The following USP34 variants were observed in gnomAD, a reference collection of about 807,000 sequenced individuals.
USP34 encodes ubiquitin specific peptidase 34, also known as ubiquitin carboxyl-terminal hydrolase 34.
USP34 carries 70 observed loss-of-function variants against 460.3 expected under a neutral mutation model. That is an observed-to-expected ratio of 0.15 (90% CI 0.13 to 0.19). The LOEUF is 0.19. USP34 is among the 10% of genes least tolerant of loss of function. USP34 has a pLI of 1.00. For synonymous variants in USP34, 1,647 were observed against 1,405.3 expected (o/e 1.17, Z -3.85); for missense variants, 3,985 against 4,236.2 (o/e 0.94, Z 1.65).
chr2:61,222,449 T>A (rs1687614875), intron 65 of USP34, among the ~76,000 whole-genome samples, 170 bp downstream of exon 65: 1 of 152,216 alleles, frequency 6.6e-6, no homozygotes, highest in South Asian at 2.1e-4. Context: ...ATATTCGTAA[T>A]AAGACATGAT....
At chr2:61,289,459 G>A (rs1434973865) in intron 33 of USP34, among the ~76,000 whole-genome samples, 3 of 151,952 alleles carry the variant, frequency 2.0e-5, no homozygotes, top group African/African-American at 7.2e-5. Context: ...ATTTACAGCT[G>A]ACTGGAAGCT....
intron 48 of USP34, among the ~76,000 whole-genome samples, chr2:61,251,732 T>A (rs2103883468): frequency 6.6e-6 from 1 of 152,280 alleles, no homozygotes; most frequent in Admixed American, 6.5e-5. Context: ...AGACTGGAAA[T>A]GAAAAAAATC....
intron 6 of USP34, among the ~76,000 whole-genome samples, chr2:61,382,295 A>G (rs1159202305): frequency 6.6e-6 from 1 of 152,228 alleles, no homozygotes; most frequent in Non-Finnish European, 1.5e-5. Context: ...AAGGTCCTGA[A>G]TAATCTGCCC....
chr2:61,298,780 A>T (rs911792517), intron 29 of USP34, among the ~76,000 whole-genome samples: 13 of 105,718 alleles, frequency 1.2e-4, no homozygotes, highest in South Asian at 2.4e-4. Flanking sequence ...ATGATGGATT[A>T]AAAAAAAAAA....
chr2:61,344,058 G>T, intron 15 of USP34, 29 bp from the exon 16 acceptor site: 1 of 1,598,174 alleles, frequency 6.3e-7, no homozygotes, highest in Non-Finnish European at 8.6e-7. Flanking sequence ...CACAAAGTTA[G>T]TAATTACGAA....
chr2:61,223,537 G>C, intron 62 of USP34: 2 of 450,160 alleles, frequency 4.4e-6, no homozygotes, highest in Non-Finnish European at 3.9e-6. Context: ...TACTATTTTA[G>C]TATATAAAAC....
rs748886865 is a variant in USP34, at chr2:61,383,384, C to T, written c.754-48G>A. 3.7e-6 allele frequency: 5 copies of T among 1,361,080 alleles called. No homozygotes were observed. In the South Asian group the frequency reaches 4.0e-5, roughly 11 times the overall value. 84.3% of individuals were successfully genotyped at this position (1,361,080 alleles called of 1,614,324 possible). A position where few individuals can be genotyped will look rare whatever the true frequency, so the allele number is the denominator to read the frequency against. ...ACATTAATGCCTAATATGTGAAATACATATATCTTTCACTAAACTAATGAA... is the reference window on the plus strand; with the variant it reads ...ACATTAATGCCTAATATGTGAAATATATATATCTTTCACTAAACTAATGAA... On this transcript the variant is annotated intron_variant, in intron 5 of 79. Coordinates refer to ENST00000398571, the MANE Select transcript of USP34 (RefSeq NM_014709.4).
intron 51 of USP34, among the ~76,000 whole-genome samples, 184 bp from the exon 52 acceptor site, chr2:61,242,003 C>G (rs1688276120): frequency 1.3e-5 from 2 of 151,750 alleles, no homozygotes; most frequent in East Asian, 1.9e-4. Flanking sequence ...ATCCTAATAT[C>G]TTTTTTTTAG....
chr2:61,210,409 C>T (rs1159898049), intron 69 of USP34, among the ~76,000 whole-genome samples: 2 of 152,144 alleles, frequency 1.3e-5, no homozygotes, highest in Non-Finnish European at 2.9e-5. Context: ...TAGTAACATG[C>T]TATACAGATT....
intron 43 of USP34, among the ~76,000 whole-genome samples, chr2:61,261,162 C>T (rs1168052024): frequency 6.6e-6 from 1 of 152,206 alleles, no homozygotes; most frequent in South Asian, 2.1e-4. Flanking sequence ...TCTGGGTATA[C>T]ACCCAAAAGT....
intron 10 of USP34, among the ~76,000 whole-genome samples, chr2:61,356,792 T>C (rs4597510): frequency 0.16 from 24,643 of 152,140 alleles, 2,338 homozygotes; most frequent in South Asian, 0.36. Flanking sequence ...TAGAGATCTA[T>C]TGCACAATGC....
chr2:61,395,734 G>C (rs1416451662), intron 3 of USP34, among the ~76,000 whole-genome samples: 1 of 142,324 alleles, frequency 7.0e-6, no homozygotes, highest in Non-Finnish European at 1.5e-5. Context: ...TGCAGTGAGC[G>C]GAGATCGCGC....
Position 61,405,998 on chromosome 2 carries a change from T to C in USP34, c.262A>G (p.Ile88Val), listed in dbSNP as rs770476862. 1 of 1,613,864 alleles carries C rather than the reference T, an allele frequency of 6.2e-7. No individual in the cohort carries two copies. The highest frequency in any genetic ancestry group is 8.5e-7 in the Non-Finnish European group (1 of 1,179,980). The stretch of plus-strand genomic sequence containing the variant: ...TCTTGCCACGTGGAATCTATGTTAA[T>C]GGTAGTACAATGTTTACAAAGCTGG... ...RDQLCKHCTT[I>V]NIDSTWQDES... The change falls in exon 3 of 80, where the codon ATT (isoleucine) becomes GTT (valine). Residue 88 changes from isoleucine (I) to valine (V), a missense_variant. Physicochemically the swap from Ile to Val is conservative, Grantham distance 29. This residue lies in a region of USP34 where 331 missense variants were observed against 293.7 expected (regional missense o/e 1.13). Coordinates refer to ENST00000398571, the MANE Select transcript of USP34 (RefSeq NM_014709.4).
intron 34 of USP34, 69 bp from the exon 35 acceptor site, chr2:61,285,026 G>T: frequency 7.8e-7 from 1 of 1,282,806 alleles, no homozygotes; most frequent in South Asian, 1.4e-5. Context: ...AAGCACTCAA[G>T]ATTTAGTTAC....
chr2:61,238,710 G>A (rs1300028146), intron 53 of USP34, among the ~76,000 whole-genome samples: 1 of 152,108 alleles, frequency 6.6e-6, no homozygotes, highest in African/African-American at 2.4e-5. Flanking sequence ...TTTAAAAATA[G>A]TAAGCTGGAA....
At chr2:61,290,724 T>C (rs2103976040) in intron 33 of USP34, among the ~76,000 whole-genome samples, 1 of 152,240 alleles carries the variant, frequency 6.6e-6, no homozygotes, top group East Asian at 1.9e-4. Context: ...ACATAAACAT[T>C]TTTCAAAACT....
At chr2:61,437,774 A>AAATAAATAAATAAAT (rs1694854947) in intron 1 of USP34, among the ~76,000 whole-genome samples, 2 of 134,540 alleles carry the variant, frequency 1.5e-5, no homozygotes, top group African/African-American at 5.6e-5. Flanking sequence ...CTCCGTCTCA[A>AAATAAATAAATAAAT]AAATAAATAA....
intron 62 of USP34, among the ~76,000 whole-genome samples, chr2:61,225,298 C>T (rs1687695319): frequency 6.6e-6 from 1 of 152,002 alleles, no homozygotes; most frequent in South Asian, 2.1e-4. Context: ...CTGTAATATA[C>T]ATTAATACTT....
At chr2:61,430,533 T>C (rs1694639715) in intron 1 of USP34, among the ~76,000 whole-genome samples, 1 of 152,212 alleles carries the variant, frequency 6.6e-6, no homozygotes, top group Admixed American at 6.5e-5. Context: ...GTGATGGAAA[T>C]GTTCAATTGT....
Sources: allele counts gnomAD v4.1 joint callset (sites outside exome capture counted in the v4.1 genomes callset), GRCh38; gene constraint gnomAD v4.1.1; regional missense constraint gnomAD v4.1.1; transcripts MANE v1.5; gene names NCBI Gene and HGNC (gene_info 2026-07-23, HGNC 2026-07-21).